The following KIAA1549 variants were observed in gnomAD, a reference collection of about 807,000 sequenced individuals.
KIAA1549 encodes UPF0606 protein KIAA1549.
In KIAA1549, 70 loss-of-function variants were observed where a neutral mutation model predicts 156.4. The ratio of observed to expected loss-of-function variants is 0.45; its 90% CI spans 0.37 to 0.55. KIAA1549 has a LOEUF of 0.55. KIAA1549 is among the 20% of genes least tolerant of loss of function. The pLI, the probability that KIAA1549 is intolerant of heterozygous loss-of-function variation, is 0.00. For missense variants in KIAA1549, 2,428 were observed against 2,540.9 expected, an observed-to-expected ratio of 0.96 and a Z score of 0.96; for synonymous variants, 1,103 against 1,066.4, an observed-to-expected ratio of 1.03 and a Z score of -0.67.
chr7:138,865,758 G>A (rs1175434719), intron 15 of KIAA1549, among the ~76,000 whole-genome samples: 1 of 152,148 alleles, frequency 6.6e-6, no homozygotes, highest in Non-Finnish European at 1.5e-5. Context: ...GGCTGATCTA[G>A]AGTCACTGAA....
intron 12 of KIAA1549, among the ~76,000 whole-genome samples, 160 bp downstream of exon 12, chr7:138,879,378 T>C (rs772955017): frequency 2.0e-5 from 3 of 152,164 alleles, no homozygotes; most frequent in Non-Finnish European, 2.9e-5. Flanking sequence ...AATACCACGT[T>C]AGATGGTGAC....
intron 5 of KIAA1549, 40 bp downstream of exon 5, chr7:138,908,951 G>C (rs761788537): frequency 6.2e-7 from 1 of 1,608,422 alleles, no homozygotes; most frequent in Non-Finnish European, 8.5e-7. Flanking sequence ...TCCCCTTCAA[G>C]GGCTAAAGCC....
Position 138,832,724 on chromosome 7 carries a change from G to A in KIAA1549, c.*5182C>T. On this transcript the variant is annotated 3_prime_UTR_variant, in exon 20 of 20. Coordinates refer to ENST00000422774, the MANE Select transcript of KIAA1549 (RefSeq NM_001164665.2). ...AAATTTCAATGCTGCTGTGTTTTAA[G>A]ATAAATTATCAAGCCTACTGTCACA... 1 of 219,292 alleles carries A rather than the reference G, an allele frequency of 4.6e-6. No homozygotes were observed. Among genetic ancestry groups the A allele is most frequent in the Non-Finnish European group, 9.1e-6 (1 of 109,386 alleles). 13.6% of individuals were successfully genotyped at this position (219,292 alleles called of 1,614,324 possible). A position where few individuals can be genotyped will look rare whatever the true frequency, so the allele number is the denominator to read the frequency against.
intron 1 of KIAA1549, among the ~76,000 whole-genome samples, chr7:138,938,490 A>C (rs1263108461): frequency 6.6e-6 from 1 of 152,202 alleles, no homozygotes. Flanking sequence ...ATTAGCAATT[A>C]TCCATAGCAT....
At chr7:138,907,162 A>G (rs1329926222) in intron 5 of KIAA1549, 60 bp from the exon 6 acceptor site, 6 of 1,323,478 alleles carry the variant, frequency 4.5e-6, no homozygotes, top group Non-Finnish European at 6.0e-6. Flanking sequence ...AAGCTTAACC[A>G]TGATTTCTCT....
chr7:138,924,965 G>A (rs1293369334), intron 1 of KIAA1549, among the ~76,000 whole-genome samples: 1 of 152,170 alleles, frequency 6.6e-6, no homozygotes, highest in African/African-American at 2.4e-5. Flanking sequence ...CCGGACTCCT[G>A]CACCGCTCCC....
intron 1 of KIAA1549, among the ~76,000 whole-genome samples, chr7:138,924,593 G>C (rs1261809212): frequency 6.6e-6 from 1 of 152,138 alleles, no homozygotes; most frequent in Non-Finnish European, 1.5e-5. Flanking sequence ...AAATTCTCCT[G>C]ACTAGAAAAT....
At position 138,835,763 on chromosome 7, in the gene KIAA1549, A is replaced by C. The variant is rs370322987; in HGVS notation, c.*2143T>G. On this transcript the variant is annotated 3_prime_UTR_variant, in exon 20 of 20. Transcript: ENST00000422774. ...CGGGTATTAAACCAAGACCAAGAGA[A>C]ATTTGGTATTAAACCAAAACCAAGA... 1.2e-3 allele frequency: 259 copies of C among 221,080 alleles called. No homozygotes were observed. The highest frequency in any genetic ancestry group is 5.3e-3 in the African/African-American group (239 of 44,712). 13.7% of individuals were successfully genotyped at this position (221,080 alleles called of 1,614,324 possible). A position where few individuals can be genotyped will look rare whatever the true frequency, so the allele number is the denominator to read the frequency against.
rs954625097 is a variant in KIAA1549 at position 138,981,286 on chromosome 7, G to A, written c.-17C>T. On this transcript the variant is annotated 5_prime_UTR_variant, in exon 1 of 20. Transcript: ENST00000422774. This position sits in a 1 kb window ranked among gnomAD's most constrained non-coding sequence, Gnocchi z 4.5. ...CCCCGGCATTCCCGGCCGGCGCCCC[G>A]GCCCGGCCTCGCGGCTCAGCGGCTC... The A allele has an allele frequency of 1.7e-5, 16 of 968,446 alleles. No homozygotes were observed. In the Admixed American group the frequency reaches 1.9e-4, roughly 12 times the overall value. The allele number at this position is 968,446 out of a possible 1,614,324, so 60.0% of individuals were successfully genotyped here.
chr7:138,864,400 A>T (rs1016670534), intron 15 of KIAA1549, among the ~76,000 whole-genome samples: 1 of 152,180 alleles, frequency 6.6e-6, no homozygotes, highest in Non-Finnish European at 1.5e-5. Flanking sequence ...TCCTGCCAGA[A>T]GGCCAGGAGC....
chr7:138,922,091 A>C (rs1335910544), intron 1 of KIAA1549, among the ~76,000 whole-genome samples: 6 of 152,206 alleles, frequency 3.9e-5, no homozygotes. Context: ...AGCCTCCAGA[A>C]CGGTGAGACA....
At position 138,918,113 on chromosome 7, in the gene KIAA1549, C is replaced by T. The variant is rs1812406447; in HGVS notation, c.1513G>A (p.Val505Ile). 1 of 1,613,856 alleles carries T rather than the reference C, an allele frequency of 6.2e-7. No homozygotes were observed. Among genetic ancestry groups the T allele is most frequent in the African/African-American group, 1.3e-5 (1 of 74,934 alleles). ...SRSMEISETS[V>I]GISAEVDMSS... ...ATATCCACCTCGGCAGAAATGCCAA[C>T]ACTCGTCTCTGAGATTTCCATGGAT... is the stretch of plus-strand genomic sequence containing the variant. Residue 505 changes from valine (V) to isoleucine (I), a missense_variant, in exon 2 of 20, where the codon GTT becomes ATT. By Grantham distance (29) the Val-to-Ile change is conservative. This residue lies in a region of KIAA1549 where 893 missense variants were observed against 847.9 expected (regional missense o/e 1.05). Transcript: ENST00000422774. The surrounding 1 kb of genome is among the most constrained non-coding windows in gnomAD (Gnocchi z 4.2).
In KIAA1549 at chr7:138,834,441, G is replaced by A. The variant is rs559008605; in HGVS notation, c.*3465C>T. 4.9e-5 allele frequency: 10 copies of A among 203,706 alleles called. No individual in the cohort carries two copies. Among genetic ancestry groups the A allele is most frequent in the East Asian group, 4.4e-4 (6 of 13,502 alleles). The allele number at this position is 203,706 out of a possible 1,614,324, so 12.6% of individuals were successfully genotyped here. On this transcript the variant is annotated 3_prime_UTR_variant, in exon 20 of 20. Transcript: ENST00000422774. ...TGGGATTACAGGCGTGAGCCACCGC[G>A]CCTGATCTCTTCGAATGAATTTTAT... is the stretch of plus-strand genomic sequence containing the variant.
Position 138,894,349 on chromosome 7 carries a change from C to T in KIAA1549, c.4025G>A (p.Arg1342His), listed in dbSNP as rs371501280. 5.2e-5 allele frequency: 84 copies of T among 1,613,932 alleles called. No individual in the cohort carries two copies. Among genetic ancestry groups the T allele is most frequent in the African/African-American group, 6.7e-5 (5 of 75,036 alleles). The change falls in exon 10 of 20, where the codon CGT becomes CAT. Residue 1342 changes from arginine to histidine, a missense_variant. Physicochemically the swap from Arg to His is conservative, Grantham distance 29. Around this residue, in one of 5 missense-constraint regions of KIAA1549, gnomAD observed 762 missense variants for 901.6 expected, o/e 0.85. Transcript: ENST00000422774. ...GAAGAGGCTGCCCGTTACCTTCTGA[C>T]GCTGCTGAATGTTGGCCACAGTGTC... ...QPDTVANIQQ[R>H]QKLQIPSVKG...
chr7:138,910,022 T>C (rs1812123218), intron 4 of KIAA1549, among the ~76,000 whole-genome samples: 2 of 152,142 alleles, frequency 1.3e-5, no homozygotes, highest in Non-Finnish European at 2.9e-5. Context: ...AGAGGCTATA[T>C]AGGCTGAAAT....
intron 17 of KIAA1549, among the ~76,000 whole-genome samples, chr7:138,844,874 ATT>A (rs111317307): frequency 1.4e-5 from 2 of 146,886 alleles, no homozygotes; most frequent in Non-Finnish European, 1.5e-5. Flanking sequence ...CACAGCGGTA[ATT>A]TTTTTTTTTT....
chr7:138,906,911 G>A lies in KIAA1549; in HGVS notation c.3460+8C>T. Reference sequence around the variant, plus strand: ...CCTCCCCAGCATGTCCAAGAGGGCTGTACTCACGCTCTGCGATCTGCAGCA... The same window carrying A: ...CCTCCCCAGCATGTCCAAGAGGGCTATACTCACGCTCTGCGATCTGCAGCA... On this transcript the variant is annotated splice_region_variant and intron_variant, in intron 6 of 19. Coordinates refer to ENST00000422774, the MANE Select transcript of KIAA1549 (RefSeq NM_001164665.2). The A allele has an allele frequency of 3.8e-6, 6 of 1,578,548 alleles. No homozygotes were observed. The highest frequency in any genetic ancestry group is 5.2e-6 in the Non-Finnish European group (6 of 1,164,692).
At chr7:138,974,295 C>T (rs774277650) in intron 1 of KIAA1549, among the ~76,000 whole-genome samples, 2 of 151,972 alleles carry the variant, frequency 1.3e-5, no homozygotes, top group Non-Finnish European at 2.9e-5. Flanking sequence ...CACTGGATCT[C>T]GGTGAGGTGG....
chr7:138,868,240 C>A, intron 14 of KIAA1549, 112 bp from the exon 15 acceptor site: 4 of 1,021,424 alleles, frequency 3.9e-6, no homozygotes, highest in Admixed American at 4.2e-5. Flanking sequence ...CCTGGAAACA[C>A]CCCATAGGAT....
Sources: gnomAD v4.1 joint callset for allele counts (sites outside exome capture counted in the v4.1 genomes callset) on GRCh38, gnomAD v4.1.1 for gene constraint, gnomAD v4.1.1 regional missense constraint, Gnocchi (gnomAD v3.1) non-coding constraint, MANE v1.5 for transcripts, NCBI Gene and HGNC (gene_info 2026-07-23, HGNC 2026-07-21) for gene names.